SHANK1: variants seen among roughly 807,000 people sequenced by gnomAD.
The protein encoded by SHANK1 is SH3 and multiple ankyrin repeat domains protein 1.
SHANK1 carries 35 observed loss-of-function variants against 165.6 expected under a neutral mutation model. The observed-to-expected ratio is 0.21, with a 90% CI of 0.16 to 0.28. The LOEUF (loss-of-function observed/expected upper bound fraction) is 0.28. SHANK1 is among the 10% of genes least tolerant of loss of function. The probability of loss-of-function intolerance (pLI) is 1.00; values close to 1 mark genes in which losing one functional copy is unlikely to be tolerated. For synonymous variants in SHANK1, 1,428 were observed against 1,384.8 expected (o/e 1.03, Z -0.69); for missense variants, 2,681 against 3,036.4 (o/e 0.88, Z 2.75).
At chr19:50,677,944 C>T (rs1986032815) in intron 21 of SHANK1, among the ~76,000 whole-genome samples, 1 of 152,230 alleles carries the variant, frequency 6.6e-6, no homozygotes, top group Admixed American at 6.5e-5. Flanking sequence ...GCTTGGCTTT[C>T]TGTCCCGTCC....
intron 15 of SHANK1, among the ~76,000 whole-genome samples, chr19:50,696,386 T>G (rs1986743032): frequency 6.9e-6 from 1 of 145,174 alleles, no homozygotes; most frequent in African/African-American, 2.6e-5. Context: ...AGCCCCACCC[T>G]CTCTCCCCAT....
intron 15 of SHANK1, among the ~76,000 whole-genome samples, chr19:50,693,571 C>T (rs1017974687): frequency 2.6e-5 from 4 of 152,022 alleles, no homozygotes; most frequent in African/African-American, 9.7e-5. Flanking sequence ...GCCTGCACTC[C>T]CCTCCCCACC....
rs1308781279 is a variant in SHANK1 at position 50,702,035 on chromosome 19, A to G, written c.1747+432T>C. Among the ~76,000 whole-genome samples the G allele has an allele frequency of 6.6e-6, 1 of 152,202 alleles. No homozygotes were observed. The highest frequency in any genetic ancestry group is 1.5e-5 in the Non-Finnish European group (1 of 68,026). Reference sequence around the variant, plus strand: ...TGGACAGATGCAGGAGGCAAAGTTAAGGCTGCTCGGCCTCACGCTCTGCAC... The same window carrying G: ...TGGACAGATGCAGGAGGCAAAGTTAGGGCTGCTCGGCCTCACGCTCTGCAC... On this transcript the variant is annotated intron_variant, in intron 12 of 23. Coordinates refer to ENST00000293441, the MANE Select transcript of SHANK1 (RefSeq NM_016148.5). The surrounding 1 kb of genome is among the most constrained non-coding windows in gnomAD (Gnocchi z 5.3).
intron 8 of SHANK1, among the ~76,000 whole-genome samples, chr19:50,707,649 C>G (rs564643810): frequency 4.6e-5 from 7 of 150,804 alleles, no homozygotes; most frequent in African/African-American, 1.7e-4. Context: ...CAGCCTCCAC[C>G]TTTTGGGCTC....
At chr19:50,704,401 C>T (rs1163627036) in intron 9 of SHANK1, 36 bp downstream of exon 9, 1 of 1,593,982 alleles carries the variant, frequency 6.3e-7, no homozygotes, top group Admixed American at 1.7e-5. Context: ...TTTCCTTAGC[C>T]CTGGAAACTC....
intron 21 of SHANK1, among the ~76,000 whole-genome samples, chr19:50,674,412 C>T (rs756708739): frequency 6.6e-5 from 10 of 152,104 alleles, no homozygotes; most frequent in Non-Finnish European, 1.2e-4. Flanking sequence ...TGGGATGAAC[C>T]CTTACTTCCT....
rs1172140883 is a variant in SHANK1 at position 50,697,117 on chromosome 19, A to G, written c.1943T>C (p.Met648Thr). ...TCACCTCCCTGGGCCAATCCCATCCATTAAGCTTCCGAAGCAAGTCAGCCA... is the reference window on the plus strand; with the variant it reads ...TCACCTCCCTGGGCCAATCCCATCCGTTAAGCTTCCGAAGCAAGTCAGCCA... ...SYDSFDAPSL[M>T]DGIGPGSDYI... Residue 648 changes from methionine (M) to threonine (T), a missense_variant, in exon 15 of 24, where the codon ATG becomes ACG. This residue lies in a region of SHANK1 where 147 missense variants were observed against 256.5 expected (regional missense o/e 0.57). Coordinates refer to ENST00000293441, the MANE Select transcript of SHANK1 (RefSeq NM_016148.5). The surrounding 1 kb of genome is among the most constrained non-coding windows in gnomAD (Gnocchi z 4.7). The G allele has an allele frequency of 1.9e-6, 3 of 1,611,698 alleles. No homozygotes were observed. The highest frequency in any genetic ancestry group is 4.5e-5 in the East Asian group (2 of 44,812).
chr19:50,687,547 C>T (rs544613817), intron 19 of SHANK1, 35 bp downstream of exon 19: 1 of 1,523,296 alleles, frequency 6.6e-7, no homozygotes. Flanking sequence ...CCCTCTCCCC[C>T]CGGCCCCCTG....
intron 21 of SHANK1, among the ~76,000 whole-genome samples, chr19:50,679,926 G>A (rs12463161): frequency 6.6e-6 from 1 of 150,814 alleles, no homozygotes; most frequent in Non-Finnish European, 1.5e-5. Flanking sequence ...AGAGACAAAG[G>A]CAGAGATAGG....
intron 8 of SHANK1, among the ~76,000 whole-genome samples, chr19:50,708,250 C>T (rs767685871): frequency 6.6e-6 from 1 of 152,070 alleles, no homozygotes; most frequent in Non-Finnish European, 1.5e-5. Flanking sequence ...TGGCTTTTTG[C>T]ATGTTTTCAC....
At chr19:50,689,131 C>A in intron 16 of SHANK1, 66 bp downstream of exon 16, 1 of 1,364,144 alleles carries the variant, frequency 7.3e-7, no homozygotes, top group South Asian at 1.2e-5. Context: ...TTTCCAGCCC[C>A]CATTTTCAGC....
At chr19:50,683,693 G>A (rs964581954) in intron 21 of SHANK1, among the ~76,000 whole-genome samples, 1 of 152,140 alleles carries the variant, frequency 6.6e-6, no homozygotes, top group African/African-American at 2.4e-5. Context: ...TATAAGAGCC[G>A]AAATGAGAAG....
intron 21 of SHANK1, among the ~76,000 whole-genome samples, chr19:50,685,900 C>T (rs551448222): frequency 3.3e-5 from 5 of 151,912 alleles, no homozygotes; most frequent in African/African-American, 4.8e-5. Flanking sequence ...ATTATTATGC[C>T]GGGGAATCTC....
In SHANK1 at chr19:50,680,935, C is replaced by T. The variant is rs1029476537; in HGVS notation, c.2577+5302G>A. Among the ~76,000 whole-genome samples the T allele has an allele frequency of 5.3e-5, 8 of 152,256 alleles. No individual in the cohort carries two copies. In the East Asian group the frequency reaches 5.8e-4, roughly 11 times the overall value. ...CCTCCCAAAGTGCTGGGATTACAGG[C>T]GTGAGCCACCACGCCTGGCTGATAG... On this transcript the variant is annotated intron_variant, in intron 21 of 23. Transcript: ENST00000293441.
In SHANK1 at chr19:50,689,203, C is replaced by A; in HGVS notation, c.2041G>T (p.Ala681Ser). Residue 681 changes from alanine (A) to serine (S), a missense_variant, in exon 16 of 24, where the codon GCC (alanine) becomes TCC (serine). Physicochemically the swap from Ala to Ser is moderately conservative, Grantham distance 99. This residue lies in a region of SHANK1 where 147 missense variants were observed against 256.5 expected (regional missense o/e 0.57). Transcript: ENST00000293441. Reference sequence around the variant, plus strand: ...CTCCCCGGCTGGCACTCACCCTTGGCCCCCCGGAGCACGAACCCAAACCCC... The same window carrying A: ...CTCCCCGGCTGGCACTCACCCTTGGACCCCCGGAGCACGAACCCAAACCCC... Reference protein sequence around the residue: ...SEGFGFVLRGAKAQTPIEEFT... With the variant: ...SEGFGFVLRGSKAQTPIEEFT... 6.2e-7 allele frequency: 1 copy of A among 1,609,192 alleles called. No homozygotes were observed. Among genetic ancestry groups the A allele is most frequent in the Non-Finnish European group, 8.5e-7 (1 of 1,176,336 alleles).
chr19:50,679,212 A>G (rs1304724801), intron 21 of SHANK1, among the ~76,000 whole-genome samples: 1 of 143,356 alleles, frequency 7.0e-6, no homozygotes, highest in Non-Finnish European at 1.5e-5. Flanking sequence ...GGTCAGGGTT[A>G]CAGGCAAGGG....
intron 11 of SHANK1, among the ~76,000 whole-genome samples, chr19:50,703,107 C>T (rs889080574): frequency 1.4e-4 from 21 of 152,028 alleles, no homozygotes; most frequent in Admixed American, 9.8e-4. Flanking sequence ...TTCCTGACCC[C>T]GGAATGTCCC....
Position 50,663,942 on chromosome 19 carries a change from T to C in SHANK1, c.5769-1260A>G, listed in dbSNP as rs534847705. Among the ~76,000 whole-genome samples the C allele has an allele frequency of 9.2e-5, 12 of 130,908 alleles. No homozygotes were observed. In the South Asian group the frequency reaches 9.5e-4, roughly 10 times the overall value. 85.9% of individuals were successfully genotyped at this position (130,908 alleles called of 152,430 possible). On this transcript the variant is annotated intron_variant, in intron 23 of 23. Transcript: ENST00000293441. Reference sequence around the variant, plus strand: ...CTTTTCTTTCTCTCTCTCTCTCTCTTTTTTTTTTTTTTTTTAAGACAGGGT... The same window carrying C: ...CTTTTCTTTCTCTCTCTCTCTCTCTCTTTTTTTTTTTTTTTAAGACAGGGT...
intron 12 of SHANK1, among the ~76,000 whole-genome samples, chr19:50,698,221 C>T (rs1281084309): frequency 1.3e-5 from 2 of 152,094 alleles, no homozygotes; most frequent in African/African-American, 2.4e-5. Flanking sequence ...AGAGGCAGGT[C>T]CACAATTGGT....
Sources: allele counts gnomAD v4.1 joint callset (sites outside exome capture counted in the v4.1 genomes callset), GRCh38; gene constraint gnomAD v4.1.1; regional missense constraint gnomAD v4.1.1; non-coding constraint Gnocchi (gnomAD v3.1); transcripts MANE v1.5; gene names NCBI Gene and HGNC (gene_info 2026-07-23, HGNC 2026-07-21).